STYXL2: variants seen among roughly 807,000 people sequenced by gnomAD.
The protein encoded by STYXL2 is serine/threonine/tyrosine-interacting-like protein 2.
Under a neutral mutation model 52.4 loss-of-function variants are expected in STYXL2, and 44 were observed. That is an observed-to-expected ratio of 0.84 (90% CI 0.66 to 1.08). The LOEUF (loss-of-function observed/expected upper bound fraction) is 1.08. STYXL2 is among the 50% of genes least tolerant of loss of function. STYXL2 has a pLI of 0.00. For synonymous variants in STYXL2, 604 were observed against 586.9 expected (o/e 1.03, Z -0.42); for missense variants, 1,604 against 1,471.7 (o/e 1.09, Z -1.47).
At chr1:167,101,558 C>G (rs1285343552) in intron 2 of STYXL2, among the ~76,000 whole-genome samples, 1 of 152,188 alleles carries the variant, frequency 6.6e-6, no homozygotes, top group Non-Finnish European at 1.5e-5. Context: ...AATCCCAGCA[C>G]TTTGGGAGGC....
At chr1:167,117,925 A>T (rs147595340) in intron 4 of STYXL2, among the ~76,000 whole-genome samples, 2 of 152,378 alleles carry the variant, frequency 1.3e-5, no homozygotes, top group East Asian at 3.9e-4. Flanking sequence ...ACTGACATGC[A>T]TATGTAATTA....
chr1:167,126,533 G>A lies in STYXL2; in HGVS notation c.1402G>A (p.Ala468Thr), dbSNP rs747760393. The A allele has an allele frequency of 3.1e-6, 5 of 1,613,426 alleles. No individual in the cohort carries two copies. The East Asian group carries it at 1.1e-4, about 36-fold the overall frequency. ...CCCGGACCACGGCAGGAGGCGCCGCGCAGACTCGATGTCCTCGGAGAGCAC... is the reference window on the plus strand; with the variant it reads ...CCCGGACCACGGCAGGAGGCGCCGCACAGACTCGATGTCCTCGGAGAGCAC... ...NRPDHGRRRR[A>T]DSMSSESTWD... Residue 468 changes from alanine to threonine, a missense_variant, in exon 6 of 6, where the codon GCA becomes ACA. By Grantham distance (58) the Ala-to-Thr change is moderately conservative. Transcript: ENST00000361200.
chr1:167,105,910 C>G (rs773007721), intron 2 of STYXL2, among the ~76,000 whole-genome samples: 32 of 152,140 alleles, frequency 2.1e-4, no homozygotes, highest in Non-Finnish European at 3.5e-4. Context: ...CTTCATCCCC[C>G]CTCTTTTCTC....
rs1485414240 is a variant in STYXL2 at position 167,126,933 on chromosome 1, G to A, written c.1802G>A (p.Gly601Asp). The change falls in exon 6 of 6, where the codon GGC (glycine) becomes GAC (aspartate). Residue 601 changes from glycine to aspartate, a missense_variant. Gly to Asp is a moderately conservative substitution (Grantham distance 94). Transcript: ENST00000361200. Reference sequence around the variant, plus strand: ...AAGCTGAAACACCAGAAGAAGGTGGGCAGTGAGAACAAGGAGGAGGTGGTG... The same window carrying A: ...AAGCTGAAACACCAGAAGAAGGTGGACAGTGAGAACAAGGAGGAGGTGGTG... The part of the protein sequence containing the change: ...AWKLKHQKKV[G>D]SENKEEVVEL... 1.9e-6 allele frequency: 3 copies of A among 1,611,640 alleles called. No homozygotes were observed. The highest frequency in any genetic ancestry group is 1.1e-5 in the South Asian group (1 of 90,550).
In STYXL2 at chr1:167,125,799, T is replaced by C; in HGVS notation, c.668T>C (p.Val223Ala). 1 of 1,600,124 alleles carries C rather than the reference T, an allele frequency of 6.2e-7. No homozygotes were observed. Among genetic ancestry groups the C allele is most frequent in the East Asian group, 2.2e-5 (1 of 44,536 alleles). ...ALLTYRGKVL[V>A]SSEMGISRSA... ...GTTTTCATTTCAGGGAAAGTCCTGGTCAGCAGCGAAATGGGCATCAGCCGG... is the reference window on the plus strand; with the variant it reads ...GTTTTCATTTCAGGGAAAGTCCTGGCCAGCAGCGAAATGGGCATCAGCCGG... The change falls in exon 6 of 6, where the codon GTC becomes GCC. Residue 223 changes from valine (V) to alanine (A), a missense_variant. By Grantham distance (64) the Val-to-Ala change is moderately conservative (BLOSUM62 0). Transcript: ENST00000361200.
intron 3 of STYXL2, among the ~76,000 whole-genome samples, chr1:167,116,868 T>G (rs1039007815): frequency 2.6e-5 from 4 of 152,160 alleles, no homozygotes; most frequent in African/African-American, 9.7e-5. Flanking sequence ...CAGATTGGTC[T>G]TGAACTGCTG....
chr1:167,126,914 A>C lies in STYXL2; in HGVS notation c.1783A>C (p.Lys595Gln). The change falls in exon 6 of 6, where the codon AAA becomes CAA. Residue 595 changes from lysine to glutamine, a missense_variant. Physicochemically the swap from Lys to Gln is moderately conservative, Grantham distance 53. Transcript: ENST00000361200. ...GACAGCCTACCAGGCCTGGAAGCTG[A>C]AACACCAGAAGAAGGTGGGCAGTGA... is the stretch of plus-strand genomic sequence containing the variant. Reference protein sequence around the residue: ...SLTAYQAWKLKHQKKVGSENK... With the variant: ...SLTAYQAWKLQHQKKVGSENK... 1 of 1,611,890 alleles carries C rather than the reference A, an allele frequency of 6.2e-7. No individual in the cohort carries two copies. Among genetic ancestry groups the C allele is most frequent in the Non-Finnish European group, 8.5e-7 (1 of 1,178,844 alleles).
chr1:167,114,096 G>T (rs922344036), intron 3 of STYXL2, among the ~76,000 whole-genome samples: 1 of 152,114 alleles, frequency 6.6e-6, no homozygotes, highest in African/African-American at 2.4e-5. Context: ...GTGGCTTATG[G>T]CAGAGGCACA....
chr1:167,117,251 G>C, intron 3 of STYXL2, 77 bp from the exon 4 acceptor site: 8 of 1,324,242 alleles, frequency 6.0e-6, no homozygotes, highest in South Asian at 1.3e-5. Context: ...AACTGGCCAA[G>C]AGCATGTTCT....
At chr1:167,111,572 G>A (rs1043219799) in intron 2 of STYXL2, among the ~76,000 whole-genome samples, 6 of 141,438 alleles carry the variant, frequency 4.2e-5, no homozygotes, top group Admixed American at 7.4e-5. Flanking sequence ...GCCATAAAAC[G>A]GTCTAAAATA....
In STYXL2 at chr1:167,094,131, T is replaced by G. The variant is rs1667227827; in HGVS notation, c.-80T>G. On this transcript the variant is annotated 5_prime_UTR_variant, in exon 1 of 6. Coordinates refer to ENST00000361200, the MANE Select transcript of STYXL2 (RefSeq NM_001080426.3). ...GGTTCCTGTCTCACTGGCCGGAGCT[T>G]CAGCTTCAGTCATTTCATCTGGGTC... 1.3e-5 allele frequency: 2 copies of G among 152,660 alleles called. No individual in the cohort carries two copies. The highest frequency in any genetic ancestry group is 1.3e-4 in the Admixed American group (2 of 15,282). 9.5% of individuals were successfully genotyped at this position (152,660 alleles called of 1,614,324 possible). A position where few individuals can be genotyped will look rare whatever the true frequency, so the allele number is the denominator to read the frequency against.
rs770721361 is a variant in STYXL2 at position 167,126,331 on chromosome 1, C to G, written c.1200C>G (p.Asn400Lys). The G allele has an allele frequency of 1.1e-5, 16 of 1,520,858 alleles. No homozygotes were observed. The highest frequency in any genetic ancestry group is 1.7e-4 in the Middle Eastern group (1 of 5,804). The allele number at this position is 1,520,858 out of a possible 1,614,324, so 94.2% of individuals were successfully genotyped here. Residue 400 changes from asparagine (N) to lysine (K), a missense_variant, in exon 6 of 6, where the codon AAC becomes AAG. By Grantham distance (94) the Asn-to-Lys change is moderately conservative (BLOSUM62 0). Transcript: ENST00000361200. ...ERIIQEWQSRNERYQAEGYRR... is the reference protein window; with the variant it reads ...ERIIQEWQSRKERYQAEGYRR... ...TCATCCAGGAGTGGCAGAGCCGAAA[C>G]GAGAGGTACCAAGCAGAAGGGTACC...
rs77339406 is a variant in STYXL2, at chr1:167,114,607, C to T, written c.205+803C>T. Among the ~76,000 whole-genome samples the T allele has an allele frequency of 2.0e-3, 298 of 152,302 alleles. 7 individuals carry two copies. In the East Asian group the frequency reaches 0.05, roughly 26 times the overall value. On this transcript the variant is annotated intron_variant, in intron 3 of 5. Coordinates refer to ENST00000361200, the MANE Select transcript of STYXL2 (RefSeq NM_001080426.3). ...TCCATTCTAACTCTGGTACTGGTCCCCTGACCCATTTGGGTCTCCACCAGG... is the reference window on the plus strand; with the variant it reads ...TCCATTCTAACTCTGGTACTGGTCCTCTGACCCATTTGGGTCTCCACCAGG...
In STYXL2 at chr1:167,094,112, T is replaced by C; in HGVS notation, c.-99T>C. 1 of 152,910 alleles carries C rather than the reference T, an allele frequency of 6.5e-6. No homozygotes were observed. The highest frequency in any genetic ancestry group is 1.5e-5 in the Non-Finnish European group (1 of 68,454). The allele number at this position is 152,910 out of a possible 1,614,324, so 9.5% of individuals were successfully genotyped here. On this transcript the variant is annotated 5_prime_UTR_variant, in exon 1 of 6. Coordinates refer to ENST00000361200, the MANE Select transcript of STYXL2 (RefSeq NM_001080426.3). ...CCTGAGGAAGGAGGTGGCTGGTTCC[T>C]GTCTCACTGGCCGGAGCTTCAGCTT...
chr1:167,110,974 A>C (rs1243800004), intron 2 of STYXL2, among the ~76,000 whole-genome samples: 1 of 152,216 alleles, frequency 6.6e-6, no homozygotes, highest in Non-Finnish European at 1.5e-5. Context: ...TTGGCCATTG[A>C]GATGCTTTCT....
intron 2 of STYXL2, among the ~76,000 whole-genome samples, chr1:167,097,741 T>G (rs1181784927): frequency 6.6e-6 from 1 of 151,836 alleles, no homozygotes. Flanking sequence ...GATGGTAGAT[T>G]TAAGCTCAAA....
At chr1:167,104,425 G>C (rs904443398) in intron 2 of STYXL2, among the ~76,000 whole-genome samples, 2 of 152,130 alleles carry the variant, frequency 1.3e-5, no homozygotes, top group African/African-American at 4.8e-5. Context: ...TGTTTCCCTT[G>C]ACCTTCAGTG....
At chr1:167,096,651 T>G (rs1667290943) in intron 2 of STYXL2, among the ~76,000 whole-genome samples, 1 of 152,200 alleles carries the variant, frequency 6.6e-6, no homozygotes. Context: ...CACTTCATTT[T>G]CACTCATATT....
In STYXL2 at chr1:167,128,656, A is replaced by G; in HGVS notation, c.*48A>G. ...TGAAAGAAACCACTCACGTTAGCAT[A>G]GGGCTCAGGGCACACGTTGCCACCA... On this transcript the variant is annotated 3_prime_UTR_variant, in exon 6 of 6. Transcript: ENST00000361200. 6.4e-7 allele frequency: 1 copy of G among 1,550,694 alleles called. No individual in the cohort carries two copies.
Sources: allele counts gnomAD v4.1 joint callset (sites outside exome capture counted in the v4.1 genomes callset), GRCh38; gene constraint gnomAD v4.1.1; transcripts MANE v1.5; gene names NCBI Gene and HGNC (gene_info 2026-07-23, HGNC 2026-07-21).